KCNK2: variants seen among roughly 807,000 people sequenced by gnomAD.
The protein encoded by KCNK2 is potassium two pore domain channel subfamily K member 2.
In KCNK2, 21 loss-of-function variants were observed where a neutral mutation model predicts 40.5. The ratio of observed to expected loss-of-function variants is 0.52; its 90% confidence interval spans 0.37 to 0.75. The LOEUF is 0.75. Among genes scored for constraint, KCNK2 ranks in the 30% least tolerant of loss-of-function variants. The pLI is 0.00. For synonymous variants in KCNK2, 191 were observed against 202.2 expected, an observed-to-expected ratio of 0.94 and a Z score of 0.47; for missense variants, 399 against 531.6, an observed-to-expected ratio of 0.75 and a Z score of 2.45.
At chr1:215,052,526 G>A (rs1009410317) in intron 1 of KCNK2, among the ~76,000 whole-genome samples, 1 of 152,146 alleles carries the variant, frequency 6.6e-6, no homozygotes, top group South Asian at 2.1e-4. Flanking sequence ...TCAACAGGGG[G>A]TGATTTTCAA....
Position 215,061,718 on chromosome 1 carries a change from G to A in KCNK2, c.35-24650G>A, listed in dbSNP as rs182438798. On this transcript the variant is annotated intron_variant, in intron 1 of 6. Coordinates refer to the KCNK2 transcript ENST00000391895. ...TATTTTAGAGTTAATTTTGTAGTTT[G>A]GATAATTCAACAGATTTAAAAGGGA... Among the ~76,000 whole-genome samples, 124 of 151,964 alleles carry A rather than the reference G, an allele frequency of 8.2e-4. No individual in the cohort carries two copies. The Middle Eastern group carries it at 0.014, about 17-fold the overall frequency.
chr1:215,067,502 T>C (rs948582190), intron 1 of KCNK2, among the ~76,000 whole-genome samples: 2 of 152,150 alleles, frequency 1.3e-5, no homozygotes, highest in African/African-American at 4.8e-5. Context: ...ATGTAATGGC[T>C]TCTAAATAGA....
In KCNK2 at chr1:215,149,347, G is replaced by A. The variant is rs911367166; in HGVS notation, c.476-19852G>A. Among the ~76,000 whole-genome samples, 9 of 152,152 alleles carry A rather than the reference G, an allele frequency of 5.9e-5. 1 individual carries two copies. Among genetic ancestry groups the A allele is most frequent in the African/African-American group, 2.2e-4 (9 of 41,440 alleles). The stretch of plus-strand genomic sequence containing the variant: ...ACATAATCAAATGGTGGTGATAGAT[G>A]CCATGAGTGTTCGGGAGAAGGAAAA... On this transcript the variant is annotated intron_variant, in intron 3 of 6. Coordinates refer to ENST00000444842, the MANE Select transcript of KCNK2 (RefSeq NM_001017425.3).
At chr1:215,184,723 C>T (rs1664359675) in intron 5 of KCNK2, among the ~76,000 whole-genome samples, 1 of 152,144 alleles carries the variant, frequency 6.6e-6, no homozygotes, top group South Asian at 2.1e-4. Context: ...GATTCAATTA[C>T]CTCCCATAGG....
chr1:215,069,053 A>G (rs532566431), intron 1 of KCNK2, among the ~76,000 whole-genome samples: 1 of 152,346 alleles, frequency 6.6e-6, no homozygotes, highest in Non-Finnish European at 1.5e-5. Flanking sequence ...AGTCAATACA[A>G]TTTAATGGAC....
chr1:215,228,984 T>C (rs1360672289), intron 6 of KCNK2, among the ~76,000 whole-genome samples: 1 of 150,284 alleles, frequency 6.7e-6, no homozygotes, highest in Non-Finnish European at 1.5e-5. Context: ...GGCCGTGGGC[T>C]GCATGCAGCC....
At chr1:215,045,955 T>C (rs1657752948) in intron 1 of KCNK2, among the ~76,000 whole-genome samples, 1 of 152,244 alleles carries the variant, frequency 6.6e-6, no homozygotes, top group Non-Finnish European at 1.5e-5. Flanking sequence ...CATAGTATAT[T>C]GTAAAAATAC....
At chr1:215,005,787 C>A, upstream of KCNK2, 3 of 760,782 alleles carry the variant, frequency 3.9e-6, no homozygotes, top group Non-Finnish European at 6.8e-6. Flanking sequence ...CATTCACACA[C>A]AAAAAGGAAA....
At chr1:215,010,862 TTTTTTTTG>T (rs1251706880) in intron 1 of KCNK2, among the ~76,000 whole-genome samples, 1 of 130,762 alleles carries the variant, frequency 7.6e-6, no homozygotes, top group East Asian at 2.4e-4. Flanking sequence ...TTTTTTTTTT[TTTTTTTTG>T]TGTGTGTGTG....
chr1:215,182,019 C>T (rs896937983), intron 5 of KCNK2, among the ~76,000 whole-genome samples: 6 of 152,142 alleles, frequency 3.9e-5, no homozygotes, highest in African/African-American at 1.4e-4. Flanking sequence ...CCCATGTTCT[C>T]TATACAGGGA....
chr1:215,054,137 G>A lies in KCNK2; in HGVS notation c.35-32231G>A, dbSNP rs371917766. 5.5e-4 allele frequency among the ~76,000 whole-genome samples: 84 copies of A among 152,202 alleles called. 1 individual carries two copies. Among genetic ancestry groups the A allele is most frequent in the African/African-American group, 1.9e-3 (79 of 41,440 alleles). The stretch of plus-strand genomic sequence containing the variant: ...GAGCTGCAGCTATATTATTCGAGCT[G>A]TGCTATTTCTCTAGGTATTAATTCA... On this transcript the variant is annotated intron_variant, in intron 1 of 6. Coordinates refer to the KCNK2 transcript ENST00000391895.
intron 6 of KCNK2, among the ~76,000 whole-genome samples, chr1:215,222,833 A>G (rs1274861493): frequency 6.6e-6 from 1 of 152,120 alleles, no homozygotes; most frequent in Non-Finnish European, 1.5e-5. Flanking sequence ...AATACTTTAG[A>G]AAATGAATTA....
At chr1:215,021,072 A>G (rs1656769203) in intron 1 of KCNK2, among the ~76,000 whole-genome samples, 1 of 152,212 alleles carries the variant, frequency 6.6e-6, no homozygotes, top group Non-Finnish European at 1.5e-5. Flanking sequence ...AGAGTTGGAT[A>G]TTAGATATTA....
intron 6 of KCNK2, among the ~76,000 whole-genome samples, chr1:215,206,121 T>G (rs943376088): frequency 1.3e-5 from 2 of 152,128 alleles, no homozygotes; most frequent in Non-Finnish European, 2.9e-5. Flanking sequence ...AAAAAGGCAG[T>G]TTCTGCTCTC....
intron 2 of KCNK2, among the ~76,000 whole-genome samples, chr1:215,095,784 C>T (rs949477796): frequency 1.3e-5 from 2 of 151,996 alleles, no homozygotes; most frequent in East Asian, 1.9e-4. Flanking sequence ...CTGCTTTAGT[C>T]GTCTGTGTGC....
intron 6 of KCNK2, among the ~76,000 whole-genome samples, chr1:215,222,245 A>C (rs544041875): frequency 7.2e-6 from 1 of 138,236 alleles, no homozygotes; most frequent in East Asian, 2.1e-4. Context: ...TCCAAACTAT[A>C]TTATCATCTT....
At chr1:215,049,360 GTTTTGAGAGATC>G (rs1214000551) in intron 1 of KCNK2, among the ~76,000 whole-genome samples, 1 of 152,066 alleles carries the variant, frequency 6.6e-6, no homozygotes, top group Non-Finnish European at 1.5e-5. Flanking sequence ...TGTTTACACT[GTTTTGAGAGATC>G]TTTATATATT....
intron 3 of KCNK2, among the ~76,000 whole-genome samples, chr1:215,133,763 T>C (rs1312893664): frequency 6.6e-6 from 1 of 152,172 alleles, no homozygotes; most frequent in Admixed American, 6.5e-5. Flanking sequence ...TTAACTATTG[T>C]GGTTTATGTG....
At chr1:215,012,061 T>G (rs2601646) in intron 1 of KCNK2, among the ~76,000 whole-genome samples, 3 of 151,990 alleles carry the variant, frequency 2.0e-5, no homozygotes, top group Non-Finnish European at 4.4e-5. Context: ...AGTGAAGAAC[T>G]TTCAGGCTGT....
Sources: gnomAD v4.1 joint callset for allele counts (sites outside exome capture counted in the v4.1 genomes callset) on GRCh38, gnomAD v4.1.1 for gene constraint, MANE v1.5 for transcripts, NCBI Gene and HGNC (gene_info 2026-07-23, HGNC 2026-07-21) for gene names.